Variants in GRID1 observed in about 807,000 individuals in gnomAD.
GRID1 encodes the protein glutamate receptor ionotropic, delta-1.
A neutral mutation model predicts 98.0 loss-of-function variants in GRID1; 28 were observed. That is an observed-to-expected ratio of 0.29 (90% CI 0.21 to 0.39). The LOEUF (loss-of-function observed/expected upper bound fraction) is 0.39. Ranked by LOEUF, GRID1 falls within the 10% of genes least tolerant of loss-of-function variation. GRID1 has a pLI of 1.00. For missense variants in GRID1, 1,111 were observed against 1,340.5 expected, an observed-to-expected ratio of 0.83 and a Z score of 2.67; for synonymous variants, 553 against 538.5, an observed-to-expected ratio of 1.03 and a Z score of -0.37.
At chr10:86,210,972 C>A (rs1293524709) in intron 2 of GRID1, among the ~76,000 whole-genome samples, 2 of 152,220 alleles carry the variant, frequency 1.3e-5, no homozygotes, top group Admixed American at 6.5e-5. Flanking sequence ...GAGTCCGGGG[C>A]CTGCCCTGGT....
At chr10:86,338,408 G>A (rs1028561640) in intron 2 of GRID1, among the ~76,000 whole-genome samples, 2 of 152,170 alleles carry the variant, frequency 1.3e-5, no homozygotes, top group African/African-American at 4.8e-5. Context: ...GAGCCACAAA[G>A]AGATACTCTA....
intron 4 of GRID1, among the ~76,000 whole-genome samples, chr10:85,992,617 G>C (rs182117032): frequency 2.6e-5 from 4 of 151,714 alleles, no homozygotes; most frequent in Non-Finnish European, 5.9e-5. Flanking sequence ...AGGAGAGGTG[G>C]GGGGGGAACA....
chr10:85,645,582 G>A (rs1279353291), intron 13 of GRID1: 1 of 152,092 alleles, frequency 6.6e-6, no homozygotes, highest in African/African-American at 2.4e-5. Context: ...AGTCTCTAAG[G>A]AGACCACCAA....
chr10:85,914,996 C>T (rs112206691), intron 5 of GRID1, among the ~76,000 whole-genome samples: 1 of 152,096 alleles, frequency 6.6e-6, no homozygotes, highest in African/African-American at 2.4e-5. Flanking sequence ...TTTCAGGCCA[C>T]TCTTATGCAA....
intron 12 of GRID1, among the ~76,000 whole-genome samples, chr10:85,668,791 C>CT (rs1841052623): frequency 6.6e-6 from 1 of 152,208 alleles, no homozygotes; most frequent in African/African-American, 2.4e-5. Context: ...GACACTGCTT[C>CT]TAAAGGCAGG....
chr10:85,941,407 T>A (rs1458175940), intron 4 of GRID1, among the ~76,000 whole-genome samples: 1 of 152,222 alleles, frequency 6.6e-6, no homozygotes, highest in Non-Finnish European at 1.5e-5. Flanking sequence ...GTTGAATATA[T>A]GCATATCTAT....
chr10:85,892,981 T>C (rs1235181181), intron 5 of GRID1, among the ~76,000 whole-genome samples: 1 of 152,142 alleles, frequency 6.6e-6, no homozygotes, highest in East Asian at 1.9e-4. Flanking sequence ...CTTTAAAATA[T>C]CTTAGCCAAT....
intron 4 of GRID1, among the ~76,000 whole-genome samples, chr10:86,099,917 G>A (rs1406917840): frequency 6.6e-6 from 1 of 152,140 alleles, no homozygotes; most frequent in Non-Finnish European, 1.5e-5. Flanking sequence ...GGGTATCTGG[G>A]GCCAACTTCA....
chr10:86,080,908 G>A (rs562305215), intron 4 of GRID1, among the ~76,000 whole-genome samples: 2 of 152,168 alleles, frequency 1.3e-5, no homozygotes, highest in Non-Finnish European at 2.9e-5. Flanking sequence ...AATGCTCCCA[G>A]GTAGACTAAT....
intron 12 of GRID1, among the ~76,000 whole-genome samples, chr10:85,709,925 T>A (rs1352952444): frequency 6.6e-6 from 1 of 151,954 alleles, no homozygotes; most frequent in Admixed American, 6.6e-5. Flanking sequence ...ACTTAGGTGA[T>A]AAAAAACAAT....
chr10:85,770,037 A>C (rs1842241263), intron 8 of GRID1, among the ~76,000 whole-genome samples: 1 of 152,178 alleles, frequency 6.6e-6, no homozygotes, highest in Admixed American at 6.5e-5. Context: ...GTGGGACCCT[A>C]ACCCCTGACC....
intron 2 of GRID1, among the ~76,000 whole-genome samples, chr10:86,241,448 GC>G (rs1207631297): frequency 6.6e-6 from 1 of 152,202 alleles, no homozygotes; most frequent in Non-Finnish European, 1.5e-5. Flanking sequence ...TCTGGGCAAT[GC>G]CCCTGCCAAA....
In GRID1 at chr10:85,988,718, C is replaced by T. The variant is rs550385952; in HGVS notation, c.727-72479G>A. ...GCCTCTAGATGCACGTGGGTATGGG[C>T]GCAGGAATCTGTAGGGACTTCACAA... On this transcript the variant is annotated intron_variant, in intron 4 of 15. Transcript: ENST00000327946. Among the ~76,000 whole-genome samples the T allele has an allele frequency of 1.2e-4, 18 of 152,258 alleles. 1 individual carries two copies. In the South Asian group the frequency reaches 2.3e-3, roughly 19 times the overall value.
intron 13 of GRID1, chr10:85,644,210 A>T (rs1259789477): frequency 6.6e-6 from 1 of 152,208 alleles, no homozygotes; most frequent in Non-Finnish European, 1.5e-5. Context: ...GAGATTAATG[A>T]CAACCTTTGC....
At chr10:86,338,862 TTTTAATTCACACAAATACCCTGGGTA>T (rs1484598770) in intron 2 of GRID1, among the ~76,000 whole-genome samples, 36 of 152,256 alleles carry the variant, frequency 2.4e-4, no homozygotes, top group African/African-American at 7.0e-4. Context: ...CTGGCTCCCA[TTTTAATTCACACAAATACCCTGGGTA>T]TTTAATTCAC....
intron 3 of GRID1, among the ~76,000 whole-genome samples, chr10:86,186,386 T>C (rs1845725567): frequency 6.6e-6 from 1 of 152,238 alleles, no homozygotes; most frequent in South Asian, 2.1e-4. Context: ...TTATTTTCTC[T>C]ACTGTTTTTC....
At chr10:86,327,358 C>T (rs1848067196) in intron 2 of GRID1, among the ~76,000 whole-genome samples, 1 of 152,178 alleles carries the variant, frequency 6.6e-6, no homozygotes, top group Non-Finnish European at 1.5e-5. Context: ...GGACGGCAGA[C>T]TTTACTCTGC....
chr10:85,712,023 T>C (rs1284305216), intron 12 of GRID1, among the ~76,000 whole-genome samples: 1 of 151,746 alleles, frequency 6.6e-6, no homozygotes, highest in South Asian at 2.1e-4. Context: ...CATATACATA[T>C]ATATATCAAG....
intron 8 of GRID1, among the ~76,000 whole-genome samples, chr10:85,840,333 A>C (rs751299051): frequency 2.0e-5 from 3 of 151,818 alleles, no homozygotes; most frequent in Non-Finnish European, 4.4e-5. Flanking sequence ...ATATCCTTGA[A>C]CCTCAAAATA....
Sources: allele counts gnomAD v4.1 joint callset (sites outside exome capture counted in the v4.1 genomes callset), GRCh38; gene constraint gnomAD v4.1.1; transcripts MANE v1.5; gene names NCBI Gene and HGNC (gene_info 2026-07-23, HGNC 2026-07-21).